The following CHRM3 variants were observed in gnomAD, a reference collection of about 807,000 sequenced individuals.
The protein encoded by CHRM3 is muscarinic acetylcholine receptor M3.
In CHRM3, 11 loss-of-function variants were observed where a neutral mutation model predicts 41.8. The ratio of observed to expected loss-of-function variants is 0.26; its 90% CI spans 0.17 to 0.44. CHRM3 has a LOEUF of 0.44. Among genes scored for constraint, CHRM3 ranks in the 20% least tolerant of loss-of-function variants. The pLI, the probability that CHRM3 is intolerant of heterozygous loss-of-function variation, is 1.00. For synonymous variants in CHRM3, 297 were observed against 301.4 expected (o/e 0.99, Z 0.15); for missense variants, 571 against 745.4 (o/e 0.77, Z 2.72).
chr1:239,488,985 A>G (rs1667377990), intron 1 of CHRM3, among the ~76,000 whole-genome samples: 1 of 152,166 alleles, frequency 6.6e-6, no homozygotes, highest in Non-Finnish European at 1.5e-5. Context: ...ATCTGTCCAT[A>G]TATTTTCAGC....
At chr1:239,440,303 TCA>T (rs112219272) in intron 1 of CHRM3, among the ~76,000 whole-genome samples, 3,293 of 148,716 alleles carry the variant, frequency 0.022, 133 homozygotes, top group African/African-American at 0.074. Context: ...TGAAAATGAG[TCA>T]CACACACACA....
chr1:239,539,130 A>G (rs1658488320), intron 2 of CHRM3, among the ~76,000 whole-genome samples: 1 of 152,186 alleles, frequency 6.6e-6, no homozygotes, highest in Non-Finnish European at 1.5e-5. Context: ...TGTGGGGAAG[A>G]AAAGCCACCC....
intron 6 of CHRM3, among the ~76,000 whole-genome samples, chr1:239,833,829 C>T (rs929622235): frequency 6.6e-6 from 1 of 152,114 alleles, no homozygotes; most frequent in Non-Finnish European, 1.5e-5. Context: ...ATCAAAGCTA[C>T]CTTTATACCA....
intron 5 of CHRM3, among the ~76,000 whole-genome samples, chr1:239,708,326 C>A (rs908357912): frequency 2.0e-5 from 3 of 152,144 alleles, no homozygotes; most frequent in African/African-American, 7.2e-5. Context: ...TTATGCTGGT[C>A]CAAGCTTGGA....
Position 239,778,587 on chromosome 1 carries a change from C to G in CHRM3, c.-146-48665C>G, listed in dbSNP as rs1228980164. 5.9e-5 allele frequency among the ~76,000 whole-genome samples: 9 copies of G among 152,266 alleles called. No individual in the cohort carries two copies. In the East Asian group the frequency reaches 1.7e-3, roughly 29 times the overall value. ...CTCCTGACCTGGATCATTCCCATTG[C>G]CTTTCTCTGGCCCTTCTCCAGCAAC... On this transcript the variant is annotated intron_variant, in intron 5 of 6. Transcript: ENST00000676153.
chr1:239,702,415 A>C (rs1037540672), intron 5 of CHRM3, among the ~76,000 whole-genome samples: 7 of 152,148 alleles, frequency 4.6e-5, no homozygotes, highest in African/African-American at 1.7e-4. Flanking sequence ...TTTGCTAAGT[A>C]ATCTCCCTCT....
chr1:239,888,597 C>CA (rs34779972), intron 6 of CHRM3, among the ~76,000 whole-genome samples: 3,767 of 99,228 alleles, frequency 0.038, 123 homozygotes, highest in African/African-American at 0.11. Context: ...GACCCTGTCT[C>CA]AAAAAAAAAA....
intron 1 of CHRM3, among the ~76,000 whole-genome samples, chr1:239,423,368 C>T (rs1222315386): frequency 6.6e-6 from 1 of 152,170 alleles, no homozygotes; most frequent in East Asian, 1.9e-4. Flanking sequence ...GTAATAAAAA[C>T]TCTTTACCAC....
chr1:239,793,185 G>C (rs1669487493), intron 5 of CHRM3, among the ~76,000 whole-genome samples: 1 of 152,198 alleles, frequency 6.6e-6, no homozygotes, highest in Non-Finnish European at 1.5e-5. Context: ...ATTCTAAAAG[G>C]TGTTGTATTG....
chr1:239,821,072 C>T (rs12566139), intron 5 of CHRM3, among the ~76,000 whole-genome samples: 23,663 of 152,038 alleles, frequency 0.16, 2,300 homozygotes, highest in East Asian at 0.21. Context: ...TCTTGTGATG[C>T]GCCATCCACA....
At chr1:239,461,522 A>G (rs1240379561) in intron 1 of CHRM3, among the ~76,000 whole-genome samples, 1 of 151,686 alleles carries the variant, frequency 6.6e-6, no homozygotes, top group Non-Finnish European at 1.5e-5. Flanking sequence ...CTTTACGTGT[A>G]TCTTCCTTCT....
chr1:239,635,056 TG>T (rs1670311107), intron 4 of CHRM3, among the ~76,000 whole-genome samples: 1 of 152,182 alleles, frequency 6.6e-6, no homozygotes, highest in African/African-American at 2.4e-5. Context: ...AAACTAAGAG[TG>T]ACCAGTTATT....
intron 3 of CHRM3, among the ~76,000 whole-genome samples, chr1:239,618,578 C>T (rs1464675296): frequency 1.3e-5 from 2 of 151,878 alleles, no homozygotes; most frequent in Non-Finnish European, 2.9e-5. Context: ...GGCGCGGTGG[C>T]TCACGCCTGT....
At chr1:239,643,615 G>A (rs998890678) in intron 4 of CHRM3, among the ~76,000 whole-genome samples, 5 of 152,162 alleles carry the variant, frequency 3.3e-5, no homozygotes, top group East Asian at 1.9e-4. Context: ...TTTTAAACCC[G>A]TCGGAAAAGT....
intron 3 of CHRM3, among the ~76,000 whole-genome samples, chr1:239,562,837 G>A (rs992342217): frequency 9.4e-5 from 14 of 148,948 alleles, no homozygotes; most frequent in African/African-American, 1.2e-4. Flanking sequence ...ACAGTGAGCC[G>A]AGGTCGCGCC....
At chr1:239,634,528 A>G (rs1375550427) in intron 4 of CHRM3, among the ~76,000 whole-genome samples, 1 of 152,062 alleles carries the variant, frequency 6.6e-6, no homozygotes, top group Non-Finnish European at 1.5e-5. Flanking sequence ...GGAAATATTA[A>G]TTCTGAGCAT....
At chr1:239,581,653 T>A (rs1006565726) in intron 3 of CHRM3, among the ~76,000 whole-genome samples, 2 of 152,198 alleles carry the variant, frequency 1.3e-5, no homozygotes, top group African/African-American at 4.8e-5. Flanking sequence ...GCCAACACTA[T>A]GCTAATATCT....
At chr1:239,819,609 A>C (rs552186637) in intron 5 of CHRM3, among the ~76,000 whole-genome samples, 1 of 152,378 alleles carries the variant, frequency 6.6e-6, no homozygotes, top group South Asian at 2.1e-4. Flanking sequence ...AAGATCAGGT[A>C]ATAACATGAG....
At position 239,451,613 on chromosome 1, in the gene CHRM3, A is replaced by G. The variant is rs142066892; in HGVS notation, c.-520-41096A>G. On this transcript the variant is annotated intron_variant, in intron 1 of 6. Transcript: ENST00000676153. ...TAGAGCACTTGAAACAGTCTGGAAC[A>G]TATTTTTTTAATCAGATTTTCAACT... 4.1e-4 allele frequency among the ~76,000 whole-genome samples: 63 copies of G among 152,322 alleles called. No homozygotes were observed. In the East Asian group the frequency reaches 0.011, roughly 27 times the overall value.
Sources: allele counts gnomAD v4.1 joint callset (sites outside exome capture counted in the v4.1 genomes callset), GRCh38; gene constraint gnomAD v4.1.1; transcripts MANE v1.5; gene names NCBI Gene and HGNC (gene_info 2026-07-23, HGNC 2026-07-21).